Variants in NCAM1 observed in about 807,000 individuals in gnomAD.
NCAM1 encodes the protein neural cell adhesion molecule 1.
In NCAM1, 14 loss-of-function variants were observed where a neutral mutation model predicts 109.8. The observed-to-expected ratio is 0.13, with a 90% CI of 0.08 to 0.20. The LOEUF is 0.20. Ranked by LOEUF, NCAM1 falls within the 10% of genes least tolerant of loss-of-function variation. NCAM1 has a pLI of 1.00. For missense variants in NCAM1, 774 were observed against 1,109.9 expected (o/e 0.70, Z 4.30); for synonymous variants, 418 against 442.9 (o/e 0.94, Z 0.70).
At chr11:113,075,050 G>T (rs879958419) in intron 1 of NCAM1, among the ~76,000 whole-genome samples, 1 of 151,942 alleles carries the variant, frequency 6.6e-6, no homozygotes, top group Admixed American at 6.6e-5. Context: ...TTTCTGCCCC[G>T]CTCTGTGTTG....
At chr11:113,140,902 TTTTTTTG>T (rs2136196224) in intron 1 of NCAM1, among the ~76,000 whole-genome samples, 1 of 152,172 alleles carries the variant, frequency 6.6e-6, no homozygotes, top group East Asian at 1.9e-4. Flanking sequence ...AGGATTTCAT[TTTTTTTG>T]TTTTTTTCTG....
intron 1 of NCAM1, among the ~76,000 whole-genome samples, chr11:113,059,423 C>T (rs188815482): frequency 1.6e-3 from 247 of 152,264 alleles, no homozygotes; most frequent in African/African-American, 5.7e-3. Context: ...TGTGCCTGAT[C>T]CTCTTGGCAG....
chr11:113,012,081 C>T lies in NCAM1; in HGVS notation c.52+50417C>T, dbSNP rs192458680. ...TCTCCCAGGCTGGAGTGCAGTGGCG[C>T]GATCTTGGCTCACTGCAACCTCCAT... On this transcript the variant is annotated intron_variant, in intron 1 of 19. Transcript: ENST00000316851. Among the ~76,000 whole-genome samples the T allele has an allele frequency of 4.4e-3, 661 of 151,498 alleles. 1 individual carries two copies. The highest frequency in any genetic ancestry group is 8.4e-3 in the South Asian group (40 of 4,780).
chr11:113,261,342 A>G (rs1422848307), intron 17 of NCAM1, among the ~76,000 whole-genome samples: 2 of 152,082 alleles, frequency 1.3e-5, no homozygotes, highest in African/African-American at 4.8e-5. Flanking sequence ...AGCAGCAACA[A>G]AACGGGATCA....
intron 1 of NCAM1, among the ~76,000 whole-genome samples, chr11:113,186,490 G>C (rs1314223022): frequency 6.6e-6 from 1 of 152,194 alleles, no homozygotes; most frequent in Non-Finnish European, 1.5e-5. Context: ...TTATAACACA[G>C]TAAGAGGTTT....
In NCAM1 at chr11:113,240,748, A is replaced by G. The variant is rs782733110; in HGVS notation, c.1825+5584A>G. Reference sequence around the variant, plus strand: ...TTTCATTCAGTATCTGTGTGCCTCAATGATCTTTTTTCCCCACCTTCATTT... The same window carrying G: ...TTTCATTCAGTATCTGTGTGCCTCAGTGATCTTTTTTCCCCACCTTCATTT... On this transcript the variant is annotated intron_variant, in intron 14 of 19. Coordinates refer to ENST00000316851, the MANE Select transcript of NCAM1 (RefSeq NM_181351.5). The G allele has an allele frequency of 4.4e-6, 7 of 1,602,288 alleles. No individual in the cohort carries two copies. In the African/African-American group the frequency reaches 5.4e-5, roughly 12 times the overall value.
chr11:113,065,208 A>T (rs1937893934), intron 1 of NCAM1, among the ~76,000 whole-genome samples: 1 of 152,256 alleles, frequency 6.6e-6, no homozygotes, highest in South Asian at 2.1e-4. Context: ...AAAGTATTGG[A>T]TTATAACCTA....
At chr11:113,157,183 T>A (rs1406925095) in intron 1 of NCAM1, among the ~76,000 whole-genome samples, 2 of 149,066 alleles carry the variant, frequency 1.3e-5, no homozygotes, top group African/African-American at 5.1e-5. Context: ...AACCCTGGCA[T>A]GTTCTGCTTA....
chr11:113,234,998 T>C, intron 13 of NCAM1, 35 bp from the exon 14 acceptor site: 1 of 1,530,604 alleles, frequency 6.5e-7, no homozygotes, highest in Non-Finnish European at 8.8e-7. Context: ...ATTTTAACAA[T>C]AGACTCTTTT....
intron 1 of NCAM1, among the ~76,000 whole-genome samples, chr11:113,086,092 A>G (rs1011042739): frequency 2.0e-4 from 30 of 152,236 alleles, no homozygotes; most frequent in African/African-American, 7.0e-4. Flanking sequence ...ATTCCATACA[A>G]TGAACCTCAC....
chr11:113,236,592 A>G (rs893034873), intron 14 of NCAM1, among the ~76,000 whole-genome samples: 3 of 152,130 alleles, frequency 2.0e-5, no homozygotes, highest in Non-Finnish European at 4.4e-5. Flanking sequence ...TGATTACCCC[A>G]CGGCAAAGAT....
At chr11:113,130,107 C>G (rs1941330629) in intron 1 of NCAM1, among the ~76,000 whole-genome samples, 1 of 152,162 alleles carries the variant, frequency 6.6e-6, no homozygotes, top group African/African-American at 2.4e-5. Flanking sequence ...ACTACATCTT[C>G]CAAATGTCAG....
intron 1 of NCAM1, among the ~76,000 whole-genome samples, chr11:113,100,650 TTC>T (rs1939831880): frequency 6.6e-6 from 1 of 152,150 alleles, no homozygotes; most frequent in South Asian, 2.1e-4. Context: ...ATTCAATTGT[TTC>T]TGTCTTCTCT....
rs1403032782 is a variant in NCAM1 at position 113,133,230 on chromosome 11, T to C, written c.53-69149T>C. The C allele has an allele frequency of 2.0e-5, 3 of 152,228 alleles. No homozygotes were observed. In the East Asian group the frequency reaches 5.8e-4, roughly 29 times the overall value. The allele number at this position is 152,228 out of a possible 1,614,324, so 9.4% of individuals were successfully genotyped here. A position where few individuals can be genotyped will look rare whatever the true frequency, so the allele number is the denominator to read the frequency against. ...TATGATGGCAGGAGAAGTGTCCTTA[T>C]GAAGTGTGTCGCTGTGTATAAAAAT... On this transcript the variant is annotated intron_variant, in intron 1 of 19. Transcript: ENST00000316851.
intron 15 of NCAM1, among the ~76,000 whole-genome samples, chr11:113,250,922 T>C (rs1278490110): frequency 6.6e-6 from 1 of 152,196 alleles, no homozygotes; most frequent in Non-Finnish European, 1.5e-5. Flanking sequence ...CTCAGCCTCC[T>C]GCGTAGCTGG....
intron 1 of NCAM1, among the ~76,000 whole-genome samples, chr11:112,990,599 C>G (rs1951432897): frequency 6.6e-6 from 1 of 152,164 alleles, no homozygotes; most frequent in Non-Finnish European, 1.5e-5. Context: ...CTGAGAGGGA[C>G]TGAAGCCAAG....
chr11:113,219,034 T>C (rs1944611282), intron 8 of NCAM1, among the ~76,000 whole-genome samples: 1 of 152,198 alleles, frequency 6.6e-6, no homozygotes, highest in East Asian at 1.9e-4. Context: ...ACGTACTCTA[T>C]CCCTGGCAGA....
intron 1 of NCAM1, among the ~76,000 whole-genome samples, chr11:113,086,941 T>A (rs1266410552): frequency 6.6e-6 from 1 of 152,256 alleles, no homozygotes; most frequent in Non-Finnish European, 1.5e-5. Flanking sequence ...TGAGTACTTA[T>A]AAGTTGATTG....
intron 1 of NCAM1, among the ~76,000 whole-genome samples, chr11:113,008,876 G>A (rs1485839012): frequency 6.6e-6 from 1 of 152,148 alleles, no homozygotes; most frequent in African/African-American, 2.4e-5. Flanking sequence ...AGCAGTATCT[G>A]GGCTCAGTAT....
Sources: gnomAD v4.1 joint callset for allele counts (sites outside exome capture counted in the v4.1 genomes callset) on GRCh38, gnomAD v4.1.1 for gene constraint, MANE v1.5 for transcripts, NCBI Gene and HGNC (gene_info 2026-07-23, HGNC 2026-07-21) for gene names.